NKAIN2: variants seen among roughly 807,000 people sequenced by gnomAD.
NKAIN2 encodes sodium/potassium-transporting ATPase subunit beta-1-interacting protein 2.
In NKAIN2, 14 loss-of-function variants were observed where a neutral mutation model predicts 32.6. The observed-to-expected ratio is 0.43, with a 90% CI of 0.28 to 0.67. The LOEUF (loss-of-function observed/expected upper bound fraction) is 0.67, where lower values mean the gene tolerates loss of function less well. Ranked by LOEUF, NKAIN2 falls within the 30% of genes least tolerant of loss-of-function variation. NKAIN2 has a pLI of 0.17. For synonymous variants in NKAIN2, 80 were observed against 87.2 expected, an observed-to-expected ratio of 0.92 and a Z score of 0.46; for missense variants, 198 against 258.3, an observed-to-expected ratio of 0.77 and a Z score of 1.60.
chr6:124,292,293 T>C (rs1795850604), intron 2 of NKAIN2, among the ~76,000 whole-genome samples: 1 of 152,080 alleles, frequency 6.6e-6, no homozygotes, highest in African/African-American at 2.4e-5. Context: ...CCTCCATACA[T>C]ATTATAGACT....
At chr6:124,384,332 G>A (rs1316099358) in intron 3 of NKAIN2, among the ~76,000 whole-genome samples, 1 of 152,010 alleles carries the variant, frequency 6.6e-6, no homozygotes, top group Non-Finnish European at 1.5e-5. Context: ...ATCTAAAAAA[G>A]CTGACATGAG....
At chr6:124,434,455 C>T (rs985624233) in intron 3 of NKAIN2, among the ~76,000 whole-genome samples, 4 of 151,862 alleles carry the variant, frequency 2.6e-5, no homozygotes, top group South Asian at 2.1e-4. Flanking sequence ...TCGAATGCAC[C>T]GTATCTATTT....
At chr6:124,581,164 G>T (rs1353075564) in intron 3 of NKAIN2, among the ~76,000 whole-genome samples, 2 of 152,154 alleles carry the variant, frequency 1.3e-5, no homozygotes, top group Non-Finnish European at 2.9e-5. Flanking sequence ...ATTGGGCCGG[G>T]CGCGGTGGCT....
chr6:123,883,650 A>AAATTTTAAAAAAATT (rs1562238063), intron 1 of NKAIN2, among the ~76,000 whole-genome samples: 1 of 109,616 alleles, frequency 9.1e-6, no homozygotes, highest in East Asian at 3.2e-4. Flanking sequence ...TTAAAAAAAA[A>AAATTTTAAAAAAATT]TTTTTTTTAA....
chr6:123,857,262 A>ATT (rs11346130), intron 1 of NKAIN2, among the ~76,000 whole-genome samples: 1 of 146,138 alleles, frequency 6.8e-6, no homozygotes, highest in Non-Finnish European at 1.5e-5. Flanking sequence ...TGTGATTTAG[A>ATT]TTTTTTTTTT....
chr6:124,367,081 C>T (rs1799551863), intron 3 of NKAIN2, among the ~76,000 whole-genome samples: 1 of 152,120 alleles, frequency 6.6e-6, no homozygotes, highest in Non-Finnish European at 1.5e-5. Context: ...AAAGACCACA[C>T]ATCATCGTTA....
At chr6:123,983,939 C>T (rs562827331) in intron 1 of NKAIN2, among the ~76,000 whole-genome samples, 1 of 152,064 alleles carries the variant, frequency 6.6e-6, no homozygotes, top group Non-Finnish European at 1.5e-5. Flanking sequence ...TGGAGATTTC[C>T]TCTTGTTGCC....
intron 3 of NKAIN2, among the ~76,000 whole-genome samples, chr6:124,467,702 A>G (rs1776817295): frequency 6.6e-6 from 1 of 152,152 alleles, no homozygotes; most frequent in African/African-American, 2.4e-5. Flanking sequence ...TAAGTATAAA[A>G]TTATCTGTGA....
intron 4 of NKAIN2, among the ~76,000 whole-genome samples, chr6:124,779,823 CCCAA>C (rs1779178922): frequency 6.6e-6 from 1 of 152,094 alleles, no homozygotes. Context: ...CATGAGTGAG[CCCAA>C]CCAAATTCAG....
intron 2 of NKAIN2, among the ~76,000 whole-genome samples, chr6:124,338,905 A>T (rs1333988103): frequency 2.0e-5 from 3 of 152,182 alleles, no homozygotes; most frequent in Admixed American, 6.5e-5. Flanking sequence ...TAGATATTAC[A>T]CTCTTCAGCA....
In NKAIN2 at chr6:124,365,691, CAT is replaced by C. The variant is rs529599829; in HGVS notation, c.273+10348_273+10349del. ...CAGTTAAAAAACTTGATATAATTGA[CAT>C]ATAGAATACACTCCACCAAACAAAA... On this transcript the variant is annotated intron_variant, in intron 3 of 6. Coordinates refer to ENST00000368417, the MANE Select transcript of NKAIN2 (RefSeq NM_001040214.3). 2.2e-3 allele frequency among the ~76,000 whole-genome samples: 339 copies of C among 151,856 alleles called. 3 individuals are homozygous for C. Among genetic ancestry groups the C allele is most frequent in the African/African-American group, 7.7e-3 (318 of 41,498 alleles).
intron 1 of NKAIN2, among the ~76,000 whole-genome samples, chr6:124,054,113 G>A (rs1388978232): frequency 2.0e-5 from 3 of 152,066 alleles, no homozygotes; most frequent in African/African-American, 7.2e-5. Flanking sequence ...AGAGTCATTG[G>A]AATTTGGATA....
chr6:124,190,787 C>G (rs1346455888), intron 1 of NKAIN2, among the ~76,000 whole-genome samples: 1 of 152,126 alleles, frequency 6.6e-6, no homozygotes, highest in Non-Finnish European at 1.5e-5. Context: ...TCACCCCCTA[C>G]CATGCCAACT....
At chr6:124,734,035 C>T (rs1326325134) in intron 4 of NKAIN2, among the ~76,000 whole-genome samples, 1 of 144,330 alleles carries the variant, frequency 6.9e-6, no homozygotes, top group Non-Finnish European at 1.5e-5. Flanking sequence ...CTGGGAGTAT[C>T]TTATAATACC....
intron 1 of NKAIN2, among the ~76,000 whole-genome samples, chr6:123,981,147 G>T (rs113979316): frequency 1.3e-5 from 2 of 152,140 alleles, no homozygotes; most frequent in Admixed American, 1.3e-4. Flanking sequence ...GATTGCAGGC[G>T]TGAGCCACCA....
intron 4 of NKAIN2, among the ~76,000 whole-genome samples, chr6:124,668,765 G>T (rs567035218): frequency 6.6e-6 from 1 of 151,914 alleles, no homozygotes; most frequent in Non-Finnish European, 1.5e-5. Flanking sequence ...GTCTTTTTTC[G>T]CAAACAGAAA....
At chr6:124,134,141 A>T (rs933955623) in intron 1 of NKAIN2, among the ~76,000 whole-genome samples, 2 of 152,110 alleles carry the variant, frequency 1.3e-5, no homozygotes, top group South Asian at 4.1e-4. Flanking sequence ...AAAAAAATTA[A>T]GGATGTTGGT....
intron 3 of NKAIN2, among the ~76,000 whole-genome samples, chr6:124,539,102 A>T (rs1779817658): frequency 6.6e-6 from 1 of 152,182 alleles, no homozygotes; most frequent in Non-Finnish European, 1.5e-5. Context: ...TGTGTAGCAC[A>T]TATTTGACAC....
In NKAIN2 at chr6:124,581,441, G is replaced by A. The variant is rs867244196; in HGVS notation, c.274-76745G>A. Among the ~76,000 whole-genome samples the A allele has an allele frequency of 9.7e-3, 777 of 80,206 alleles. 5 individuals are homozygous for A. Among genetic ancestry groups the A allele is most frequent in the African/African-American group, 0.032 (711 of 21,990 alleles). 52.6% of individuals were successfully genotyped at this position (80,206 alleles called of 152,430 possible). On this transcript the variant is annotated intron_variant, in intron 3 of 6. Coordinates refer to ENST00000368417, the MANE Select transcript of NKAIN2 (RefSeq NM_001040214.3). ...GGCCTGGGCAACAGAGCGAGACTCC[G>A]TCTCAAAAAAAAAAAAAAAAAAAAA...
Sources: gnomAD v4.1 joint callset for allele counts (sites outside exome capture counted in the v4.1 genomes callset) on GRCh38, gnomAD v4.1.1 for gene constraint, MANE v1.5 for transcripts, NCBI Gene and HGNC (gene_info 2026-07-23, HGNC 2026-07-21) for gene names.